ELOVL5: variants seen among roughly 807,000 people sequenced by gnomAD.
ELOVL5 encodes the protein ELOVL fatty acid elongase 5.
In ELOVL5, 8 loss-of-function variants were observed where a neutral mutation model predicts 38.6. The ratio of observed to expected loss-of-function variants is 0.21; its 90% CI spans 0.12 to 0.37. ELOVL5 has a LOEUF of 0.37. ELOVL5 is among the 10% of genes least tolerant of loss of function. ELOVL5 has a pLI of 1.00. For synonymous variants in ELOVL5, 127 were observed against 133.7 expected (o/e 0.95, Z 0.34); for missense variants, 280 against 367.8 (o/e 0.76, Z 1.95).
At chr6:53,287,904 T>G (rs2127572893) in intron 3 of ELOVL5, 3 of 1,535,694 alleles carry the variant, frequency 2.0e-6, no homozygotes, top group Non-Finnish European at 2.6e-6. Context: ...GATCAGTTCG[T>G]GAGGCACAGG....
chr6:53,310,872 C>G (rs990385853), intron 1 of ELOVL5, among the ~76,000 whole-genome samples: 4 of 152,178 alleles, frequency 2.6e-5, no homozygotes, highest in Non-Finnish European at 5.9e-5. Context: ...TCACAATACA[C>G]ACAGAAAAGA....
rs533755980 is a variant in ELOVL5 at position 53,347,216 on chromosome 6, G to A, written c.-9+1601C>T. On this transcript the variant is annotated intron_variant, in intron 1 of 7. Coordinates refer to ENST00000304434, the MANE Select transcript of ELOVL5 (RefSeq NM_021814.5). ...TTTGTCTTCAATTAGAAATAGAAAC[G>A]AAAATGCAAAAAGAGAAACAGTACA... 8.0e-5 allele frequency among the ~76,000 whole-genome samples: 12 copies of A among 150,100 alleles called. No individual in the cohort carries two copies. In the South Asian group the frequency reaches 2.6e-3, roughly 32 times the overall value.
chr6:53,337,867 G>C (rs1258275760), intron 1 of ELOVL5, among the ~76,000 whole-genome samples: 5 of 152,214 alleles, frequency 3.3e-5, no homozygotes, highest in Non-Finnish European at 5.9e-5. Flanking sequence ...GAGTATGAAT[G>C]AGTAATACTT....
In ELOVL5 at chr6:53,296,956, C is replaced by T. The variant is rs145987328; in HGVS notation, c.-8-1249G>A. 2.7e-3 allele frequency among the ~76,000 whole-genome samples: 406 copies of T among 152,274 alleles called. 2 individuals are homozygous for T. The highest frequency in any genetic ancestry group is 7.0e-3 in the African/African-American group (291 of 41,550). ...ATTTTAAGATAAACTACTTTATCCA[C>T]GAAATCATCTAATGGTTGTAGTAGT... On this transcript the variant is annotated intron_variant, in intron 1 of 7. Coordinates refer to ENST00000304434, the MANE Select transcript of ELOVL5 (RefSeq NM_021814.5).
chr6:53,326,810 C>T (rs183554356), intron 1 of ELOVL5, among the ~76,000 whole-genome samples: 8 of 152,272 alleles, frequency 5.3e-5, no homozygotes, highest in Admixed American at 3.3e-4. Flanking sequence ...CCGGCCTTCA[C>T]GAGAAAGCAG....
At chr6:53,331,965 T>A (rs1768824041) in intron 1 of ELOVL5, among the ~76,000 whole-genome samples, 1 of 151,950 alleles carries the variant, frequency 6.6e-6, no homozygotes, top group African/African-American at 2.4e-5. Flanking sequence ...GGACCAAGAG[T>A]GTCACATGGT....
At chr6:53,273,443 AAG>A (rs1765999538) in intron 5 of ELOVL5, 99 bp from the exon 6 acceptor site, 3 of 1,139,506 alleles carry the variant, frequency 2.6e-6, no homozygotes, top group South Asian at 2.9e-5. Flanking sequence ...TTGAATCAGA[AAG>A]AGAGATGACT....
At chr6:53,303,626 T>C (rs150341280) in intron 1 of ELOVL5, among the ~76,000 whole-genome samples, 14 of 152,348 alleles carry the variant, frequency 9.2e-5, no homozygotes, top group Admixed American at 5.2e-4. Context: ...TGCCACAGGT[T>C]AGCTCCACGG....
At chr6:53,324,687 A>AC in intron 1 of ELOVL5, among the ~76,000 whole-genome samples, 1 of 150,530 alleles carries the variant, frequency 6.6e-6, no homozygotes, top group Non-Finnish European at 1.5e-5. Flanking sequence ...AAAAAAAAAA[A>AC]AAAAGGAAAA....
chr6:53,332,590 GAATGGAGAGGGAGTGA>G (rs1307856699), intron 1 of ELOVL5, among the ~76,000 whole-genome samples: 3 of 152,184 alleles, frequency 2.0e-5, no homozygotes, highest in African/African-American at 7.2e-5. Flanking sequence ...GGCGGAGAGA[GAATGGAGAGGGAGTGA>G]AATGGAGAGG....
intron 7 of ELOVL5, among the ~76,000 whole-genome samples, chr6:53,270,004 C>T (rs896482248): frequency 6.6e-6 from 1 of 152,188 alleles, no homozygotes; most frequent in African/African-American, 2.4e-5. Flanking sequence ...AAAGGCAGGA[C>T]ACATGTCATC....
intron 1 of ELOVL5, among the ~76,000 whole-genome samples, chr6:53,312,202 TA>T (rs1444091903): frequency 6.6e-6 from 1 of 152,230 alleles, no homozygotes; most frequent in Non-Finnish European, 1.5e-5. Flanking sequence ...ATTGGGCATT[TA>T]TTTTAGAGAA....
At chr6:53,276,605 C>T (rs1459517773) in intron 3 of ELOVL5, among the ~76,000 whole-genome samples, 2 of 152,148 alleles carry the variant, frequency 1.3e-5, no homozygotes, top group Non-Finnish European at 2.9e-5. Flanking sequence ...CCACAGAAGC[C>T]TCTGGCTGCT....
Position 53,345,991 on chromosome 6 carries a change from C to T in ELOVL5, c.-9+2826G>A, listed in dbSNP as rs1334647727. On this transcript the variant is annotated intron_variant, in intron 1 of 7. Transcript: ENST00000304434. The stretch of plus-strand genomic sequence containing the variant: ...CATGTGCCATGCTGGTTTCCTGCAC[C>T]TATCAACCCATCATCTAGGTTTTAA... Among the ~76,000 whole-genome samples, 4 of 152,128 alleles carry T rather than the reference C, an allele frequency of 2.6e-5. 1 individual carries two copies. Among genetic ancestry groups the T allele is most frequent in the South Asian group, 4.1e-4 (2 of 4,820 alleles).
At chr6:53,324,252 C>CAAAAAAAAAA (rs59453946) in intron 1 of ELOVL5, among the ~76,000 whole-genome samples, 5 of 110,370 alleles carry the variant, frequency 4.5e-5, no homozygotes, top group East Asian at 2.5e-4. Context: ...GACTCTACCT[C>CAAAAAAAAAA]AAAAAAAAAA....
At chr6:53,272,099 T>C (rs1765950034) in intron 6 of ELOVL5, among the ~76,000 whole-genome samples, 1 of 152,194 alleles carries the variant, frequency 6.6e-6, no homozygotes, top group Non-Finnish European at 1.5e-5. Context: ...GTCTCTAAGA[T>C]TTTCTCAGAC....
intron 3 of ELOVL5, among the ~76,000 whole-genome samples, chr6:53,289,719 A>AAAAC (rs1048361804): frequency 1.2e-4 from 18 of 152,350 alleles, no homozygotes; most frequent in East Asian, 5.8e-4. Context: ...AAACTGTCTC[A>AAAAC]AAACAAACAA....
At chr6:53,325,015 C>T (rs1053679700) in intron 1 of ELOVL5, among the ~76,000 whole-genome samples, 3 of 152,142 alleles carry the variant, frequency 2.0e-5, no homozygotes, top group Admixed American at 6.5e-5. Context: ...ACACTGATAA[C>T]CCTGTTCCAT....
intron 1 of ELOVL5, among the ~76,000 whole-genome samples, chr6:53,331,975 TGA>T (rs1224351186): frequency 6.6e-6 from 1 of 151,950 alleles, no homozygotes; most frequent in Non-Finnish European, 1.5e-5. Flanking sequence ...TGTCACATGG[TGA>T]GAGAGGAAGC....
Sources: allele counts gnomAD v4.1 joint callset (sites outside exome capture counted in the v4.1 genomes callset), GRCh38; gene constraint gnomAD v4.1.1; transcripts MANE v1.5; gene names NCBI Gene and HGNC (gene_info 2026-07-23, HGNC 2026-07-21).